RERE: variants seen among roughly 807,000 people sequenced by gnomAD.
The protein encoded by RERE is arginine-glutamic acid dipeptide repeats.
Under a neutral mutation model 146.1 loss-of-function variants are expected in RERE, and 40 were observed. The ratio of observed to expected loss-of-function variants is 0.27; its 90% CI spans 0.21 to 0.36. The LOEUF (loss-of-function observed/expected upper bound fraction) is 0.36. RERE is among the 10% of genes least tolerant of loss of function. The probability of loss-of-function intolerance (pLI) is 1.00; values close to 1 mark genes in which losing one functional copy is unlikely to be tolerated. For synonymous variants in RERE, 1,003 were observed against 866.0 expected, an observed-to-expected ratio of 1.16 and a Z score of -2.78; for missense variants, 1,933 against 2,138.7, an observed-to-expected ratio of 0.90 and a Z score of 1.90.
At chr1:8,418,809 C>T (rs1245152913) in intron 12 of RERE, among the ~76,000 whole-genome samples, 1 of 152,020 alleles carries the variant, frequency 6.6e-6, no homozygotes, top group Non-Finnish European at 1.5e-5. Flanking sequence ...TCTATTAGGC[C>T]TCCTACTTTT....
Position 8,681,154 on chromosome 1 carries a change from G to A in RERE, c.-144-24713C>T, listed in dbSNP as rs868255226. On this transcript the variant is annotated intron_variant, in intron 1 of 22. Coordinates refer to ENST00000400908, the MANE Select transcript of RERE (RefSeq NM_001042681.2). ...GAAACCATTCAGAAATAAAACAAAC[G>A]GGGCAGGGGGCAGGAGAGAAACGGC... Among the ~76,000 whole-genome samples, 85 of 152,202 alleles carry A rather than the reference G, an allele frequency of 5.6e-4. 1 individual carries two copies. Among genetic ancestry groups the A allele is most frequent in the Non-Finnish European group, 4.0e-4 (27 of 68,010 alleles).
chr1:8,599,052 C>T (rs1201389767), intron 4 of RERE, among the ~76,000 whole-genome samples: 1 of 152,222 alleles, frequency 6.6e-6, no homozygotes, highest in African/African-American at 2.4e-5. Flanking sequence ...GGACCTCCTG[C>T]AGAACTTCTC....
intron 12 of RERE, among the ~76,000 whole-genome samples, chr1:8,400,377 C>T (rs544747272): frequency 3.9e-5 from 6 of 152,050 alleles, no homozygotes; most frequent in Admixed American, 6.5e-5. Context: ...CTCAGCCTCC[C>T]AAGTAGTGGG....
At chr1:8,609,967 C>G (rs1432057674) in intron 4 of RERE, among the ~76,000 whole-genome samples, 3 of 152,062 alleles carry the variant, frequency 2.0e-5, no homozygotes, top group South Asian at 2.1e-4. Context: ...TGGGATTTCA[C>G]CATGTTGTCC....
intron 2 of RERE, among the ~76,000 whole-genome samples, chr1:8,642,011 G>C: frequency 6.6e-6 from 1 of 151,962 alleles, no homozygotes; most frequent in East Asian, 1.9e-4. Context: ...AAGTGCAGAA[G>C]GATTTAACAG....
At chr1:8,705,145 CAGTTTATAGTG>C (rs1291463711) in intron 1 of RERE, among the ~76,000 whole-genome samples, 2 of 152,140 alleles carry the variant, frequency 1.3e-5, no homozygotes, top group African/African-American at 4.8e-5. Flanking sequence ...TTAAAAGTGC[CAGTTTATAGTG>C]AGTTGGAAAA....
chr1:8,358,558 C>T lies in RERE; in HGVS notation c.3977G>A (p.Gly1326Asp). ...ERELRERMKP[G>D]FEVKPPELDP... is the part of the protein sequence containing the mutation. ...CAGCTCTGGGGGCTTCACCTCGAAG[C>T]CCGGCTTCATCCTCTCCCGCAGCTC... The change falls in exon 20 of 23, where the codon GGC (glycine) becomes GAC (aspartate). Residue 1326 changes from glycine to aspartate, a missense_variant. Coordinates refer to ENST00000400908, the MANE Select transcript of RERE (RefSeq NM_001042681.2). 6.2e-7 allele frequency: 1 copy of T among 1,605,256 alleles called. No individual in the cohort carries two copies.
chr1:8,501,930 G>GT (rs1645168601), intron 8 of RERE, among the ~76,000 whole-genome samples: 1 of 90,322 alleles, frequency 1.1e-5, no homozygotes, highest in East Asian at 3.4e-4. Context: ...CGTCCGGGAG[G>GT]GAGGTGGGGG....
chr1:8,670,139 C>T (rs750994064), intron 1 of RERE, among the ~76,000 whole-genome samples: 12 of 152,102 alleles, frequency 7.9e-5, no homozygotes, highest in Non-Finnish European at 1.6e-4. Flanking sequence ...TCTAGGTTGA[C>T]CAAATGTATT....
At chr1:8,603,004 G>A (rs1646652483) in intron 4 of RERE, among the ~76,000 whole-genome samples, 1 of 152,220 alleles carries the variant, frequency 6.6e-6, no homozygotes, top group African/African-American at 2.4e-5. Context: ...GACACGTACA[G>A]AGGCATGATG....
intron 12 of RERE, among the ~76,000 whole-genome samples, chr1:8,392,087 A>G (rs1417420962): frequency 6.6e-6 from 1 of 152,220 alleles, no homozygotes; most frequent in East Asian, 1.9e-4. Context: ...TTATTGCTGC[A>G]TTTCTCACAA....
intron 1 of RERE, among the ~76,000 whole-genome samples, chr1:8,763,380 C>A (rs1294022396): frequency 6.6e-6 from 1 of 152,212 alleles, no homozygotes; most frequent in Non-Finnish European, 1.5e-5. Flanking sequence ...CACCTGTAAT[C>A]CCAGCACTTC....
chr1:8,482,051 G>A (rs927569121), intron 10 of RERE, among the ~76,000 whole-genome samples: 5 of 152,118 alleles, frequency 3.3e-5, no homozygotes, highest in African/African-American at 1.2e-4. Context: ...GATGATGCCT[G>A]AAAACAGTAC....
intron 12 of RERE, among the ~76,000 whole-genome samples, chr1:8,374,368 A>AT (rs1240241806): frequency 2.8e-4 from 41 of 147,902 alleles, no homozygotes; most frequent in South Asian, 4.6e-4. Flanking sequence ...AGTTAAAAAA[A>AT]ATTTTTTTTT....
chr1:8,503,309 G>A (rs1645206594), intron 8 of RERE, among the ~76,000 whole-genome samples: 1 of 152,098 alleles, frequency 6.6e-6, no homozygotes, highest in South Asian at 2.1e-4. Context: ...CTCTGTGGAG[G>A]GGAATGTGGC....
intron 2 of RERE, among the ~76,000 whole-genome samples, chr1:8,627,020 A>G (rs1646981158): frequency 6.6e-6 from 1 of 152,112 alleles, no homozygotes; most frequent in African/African-American, 2.4e-5. Flanking sequence ...GGCTGCATTC[A>G]CTACAAGAAA....
chr1:8,358,026 G>A (rs1366188689), intron 20 of RERE, among the ~76,000 whole-genome samples, 170 bp downstream of exon 20: 4 of 152,262 alleles, frequency 2.6e-5, no homozygotes, highest in South Asian at 2.1e-4. Context: ...GAGAGACTGC[G>A]ATACAGCAAA....
At position 8,364,725 on chromosome 1, in the gene RERE, G is replaced by C; in HGVS notation, c.1540+21C>G. On this transcript the variant is annotated intron_variant, in intron 14 of 22. Coordinates refer to ENST00000400908, the MANE Select transcript of RERE (RefSeq NM_001042681.2). This position sits in a 1 kb window ranked among gnomAD's most constrained non-coding sequence, Gnocchi z 5.1. ...TGCTTGTGCCCCCGCCCCGCCCCAG[G>C]AGCGTGACGAGGCCACTTACTGGTG... The C allele has an allele frequency of 6.3e-7, 1 of 1,585,462 alleles. No homozygotes were observed. Among genetic ancestry groups the C allele is most frequent in the Non-Finnish European group, 8.7e-7 (1 of 1,153,928 alleles).
In RERE at chr1:8,766,276, C is replaced by T. The variant is rs140606185; in HGVS notation, c.-145+50884G>A. On this transcript the variant is annotated intron_variant, in intron 1 of 22. Coordinates refer to ENST00000400908, the MANE Select transcript of RERE (RefSeq NM_001042681.2). Reference sequence around the variant, plus strand: ...GAGACAGTGGCCAGGTGCAGTGGCTCACGCCTATAATCCCCGCACTTGGGA... The same window carrying T: ...GAGACAGTGGCCAGGTGCAGTGGCTTACGCCTATAATCCCCGCACTTGGGA... Among the ~76,000 whole-genome samples the T allele has an allele frequency of 3.8e-3, 571 of 152,114 alleles. 5 individuals carry two copies. The highest frequency in any genetic ancestry group is 0.013 in the African/African-American group (544 of 41,502).
Sources: gnomAD v4.1 joint callset for allele counts (sites outside exome capture counted in the v4.1 genomes callset) on GRCh38, gnomAD v4.1.1 for gene constraint, Gnocchi (gnomAD v3.1) non-coding constraint, MANE v1.5 for transcripts, NCBI Gene and HGNC (gene_info 2026-07-23, HGNC 2026-07-21) for gene names.